The following SCARA5 variants were observed in gnomAD, a reference collection of about 807,000 sequenced individuals.
SCARA5 encodes scavenger receptor class A, member 5 (putative).
SCARA5 carries 45 observed loss-of-function variants against 46.3 expected under a neutral mutation model. The ratio of observed to expected loss-of-function variants is 0.97; its 90% CI spans 0.76 to 1.24. The LOEUF (loss-of-function observed/expected upper bound fraction) is 1.24, where lower values mean the gene tolerates loss of function less well. Ranked by LOEUF, SCARA5 falls within the 50% of genes most tolerant of loss-of-function variation. The pLI is 0.00. For synonymous variants in SCARA5, 333 were observed against 306.5 expected (o/e 1.09, Z -0.90); for missense variants, 680 against 689.0 (o/e 0.99, Z 0.15).
chr8:27,919,984 G>C (rs1361346217), intron 4 of SCARA5, among the ~76,000 whole-genome samples: 4 of 151,202 alleles, frequency 2.6e-5, no homozygotes, highest in African/African-American at 9.7e-5. Context: ...AGTGGGCTTT[G>C]AGCAGGGGGA....
chr8:27,892,322 T>C (rs1334995058), intron 7 of SCARA5, among the ~76,000 whole-genome samples: 2 of 152,176 alleles, frequency 1.3e-5, no homozygotes, highest in Admixed American at 6.5e-5. Context: ...CCAAATCTCC[T>C]TGCATATCCT....
chr8:27,954,069 C>T (rs1808171918), intron 3 of SCARA5, among the ~76,000 whole-genome samples: 1 of 152,212 alleles, frequency 6.6e-6, no homozygotes, highest in South Asian at 2.1e-4. Context: ...GAGGGCAGAA[C>T]TCATCGTTCC....
At chr8:27,985,892 C>T (rs1808698327) in intron 2 of SCARA5, among the ~76,000 whole-genome samples, 1 of 152,226 alleles carries the variant, frequency 6.6e-6, no homozygotes, top group Non-Finnish European at 1.5e-5. Context: ...TGTTAATTTC[C>T]AGTCGTTCTG....
rs1808722681 is a variant in SCARA5, at chr8:27,987,565, G to T, written c.51C>A (p.Ser17Arg). The stretch of plus-strand genomic sequence containing the variant: ...CATCAAAGGAATCCTCACAGATGGA[G>T]CTGGTGTCACAGTCGCTGACGGTGT... ...YLHTVSDCDTSSICEDSFDGR... is the reference protein window; with the variant it reads ...YLHTVSDCDTRSICEDSFDGR... The change falls in exon 2 of 9, where the codon AGC (serine) becomes AGA (arginine). Residue 17 changes from serine (S) to arginine (R), a missense_variant. Coordinates refer to ENST00000354914, the MANE Select transcript of SCARA5 (RefSeq NM_173833.6). The T allele has an allele frequency of 1.9e-6, 3 of 1,614,024 alleles. No individual in the cohort carries two copies. Among genetic ancestry groups the T allele is most frequent in the Non-Finnish European group, 2.5e-6 (3 of 1,179,984 alleles).
intron 6 of SCARA5, among the ~76,000 whole-genome samples, chr8:27,905,454 G>T (rs1440352956): frequency 6.8e-6 from 1 of 147,064 alleles, no homozygotes; most frequent in African/African-American, 2.5e-5. Flanking sequence ...AAAGCCCATG[G>T]GCATGCTGTC....
intron 2 of SCARA5, among the ~76,000 whole-genome samples, chr8:27,967,270 T>C (rs899869907): frequency 3.9e-5 from 6 of 152,240 alleles, no homozygotes; most frequent in Admixed American, 3.9e-4. Context: ...CTTGCTGTAG[T>C]GGCCTTTTGG....
At chr8:27,918,643 GGAGGAGGAAAAGGAAGAT>G (rs869142277) in intron 4 of SCARA5, among the ~76,000 whole-genome samples, 33,645 of 112,088 alleles carry the variant, frequency 0.3, 5,354 homozygotes, top group African/African-American at 0.34. Context: ...AGGAAGATGA[GGAGGAGGAAAAGGAAGAT>G]GAGGAGGAAA....
intron 6 of SCARA5, among the ~76,000 whole-genome samples, chr8:27,905,412 C>T (rs1807236888): frequency 6.6e-6 from 1 of 151,826 alleles, no homozygotes; most frequent in South Asian, 2.1e-4. Flanking sequence ...GACTTCTATT[C>T]CAAGGACCCC....
Position 27,921,859 on chromosome 8 carries a change from C to G in SCARA5, c.628G>C (p.Ala210Pro). 6.6e-7 allele frequency: 1 copy of G among 1,514,690 alleles called. No homozygotes were observed. Among genetic ancestry groups the G allele is most frequent in the Non-Finnish European group, 8.8e-7 (1 of 1,139,250 alleles). The allele number at this position is 1,514,690 out of a possible 1,614,324, so 93.8% of individuals were successfully genotyped here. The change falls in exon 4 of 9, where the codon GCG becomes CCG. Residue 210 changes from alanine (A) to proline (P), a missense_variant. By Grantham distance (27) the Ala-to-Pro change is conservative. This residue lies in a region of SCARA5 where 438 missense variants were observed against 384.5 expected (regional missense o/e 1.14). Transcript: ENST00000354914. ...RRHAGLLDGLARRVGILGEEL... is the reference protein window; with the variant it reads ...RRHAGLLDGLPRRVGILGEEL... ...TCGCCCAGGATGCCCACCCTGCGCG[C>G]CAGCCCGTCCAGCAGGCCCGCGTGG... is the stretch of plus-strand genomic sequence containing the variant.
intron 4 of SCARA5, among the ~76,000 whole-genome samples, chr8:27,917,076 C>G (rs1807474434): frequency 6.6e-6 from 1 of 152,152 alleles, no homozygotes; most frequent in African/African-American, 2.4e-5. Flanking sequence ...CTCTGCTGGC[C>G]CCTGGATTTT....
At chr8:27,968,800 T>C (rs1295247097) in intron 2 of SCARA5, among the ~76,000 whole-genome samples, 1 of 152,162 alleles carries the variant, frequency 6.6e-6, no homozygotes, top group Non-Finnish European at 1.5e-5. Flanking sequence ...TAGTTCACTG[T>C]AGGAGTGGGT....
intron 2 of SCARA5, among the ~76,000 whole-genome samples, chr8:27,968,955 G>A (rs534397150): frequency 1.3e-5 from 2 of 152,220 alleles, no homozygotes; most frequent in South Asian, 4.1e-4. Context: ...TCCTTTGAGA[G>A]AGTTTAGTTC....
intron 3 of SCARA5, among the ~76,000 whole-genome samples, chr8:27,935,600 C>G (rs1807842121): frequency 6.6e-6 from 1 of 152,136 alleles, no homozygotes; most frequent in Admixed American, 6.5e-5. Context: ...GCCAGAGGCA[C>G]AAAGGAATGG....
chr8:27,982,186 G>A lies in SCARA5; in HGVS notation c.112+5318C>T, dbSNP rs531314806. Reference sequence around the variant, plus strand: ...GCCACGAGTGGAGGGGGCTGGGGCCGTGGGGGCGAATGGGACTGCAGTATT... The same window carrying A: ...GCCACGAGTGGAGGGGGCTGGGGCCATGGGGGCGAATGGGACTGCAGTATT... On this transcript the variant is annotated intron_variant, in intron 2 of 8. Transcript: ENST00000354914. Among the ~76,000 whole-genome samples, 335 of 152,178 alleles carry A rather than the reference G, an allele frequency of 2.2e-3. 1 individual carries two copies. The highest frequency in any genetic ancestry group is 4.0e-3 in the Non-Finnish European group (273 of 68,000).
At chr8:27,923,202 G>T (rs1428112387) in intron 3 of SCARA5, among the ~76,000 whole-genome samples, 1 of 152,178 alleles carries the variant, frequency 6.6e-6, no homozygotes, top group Non-Finnish European at 1.5e-5. Context: ...CTGCCTAAAG[G>T]AAGAGCACCC....
chr8:27,932,930 C>T (rs1028162222), intron 3 of SCARA5, among the ~76,000 whole-genome samples: 2 of 152,180 alleles, frequency 1.3e-5, no homozygotes, highest in Non-Finnish European at 2.9e-5. Flanking sequence ...GGCGCTTGGC[C>T]GTCCCTTCTG....
intron 7 of SCARA5, among the ~76,000 whole-genome samples, chr8:27,887,075 C>A (rs1425005974): frequency 1.3e-5 from 2 of 152,170 alleles, no homozygotes; most frequent in Non-Finnish European, 2.9e-5. Context: ...AAAGCAAGAG[C>A]AGATGCTCCA....
intron 7 of SCARA5, among the ~76,000 whole-genome samples, chr8:27,880,057 C>G (rs13260737): frequency 2.0e-5 from 3 of 152,210 alleles, no homozygotes; most frequent in Admixed American, 1.3e-4. Flanking sequence ...CTACAGCCAT[C>G]TGATCTTCGA....
chr8:27,920,916 C>A (rs112096460), intron 4 of SCARA5, among the ~76,000 whole-genome samples: 2,206 of 152,184 alleles, frequency 0.014, 52 homozygotes, highest in African/African-American at 0.049. Context: ...GTGGAGCTTG[C>A]AGTGAGCTGA....
Sources: allele counts gnomAD v4.1 joint callset (sites outside exome capture counted in the v4.1 genomes callset), GRCh38; gene constraint gnomAD v4.1.1; regional missense constraint gnomAD v4.1.1; transcripts MANE v1.5; gene names NCBI Gene and HGNC (gene_info 2026-07-23, HGNC 2026-07-21).